Variants in SLC35F1 observed in about 807,000 individuals in gnomAD.
SLC35F1 encodes the protein solute carrier family 35 member F1, also known as chromosome 6 open reading frame 169.
SLC35F1 carries 14 observed loss-of-function variants against 48.7 expected under a neutral mutation model. That is an observed-to-expected ratio of 0.29 (90% CI 0.19 to 0.45). SLC35F1 has a LOEUF of 0.45. SLC35F1 is among the 20% of genes least tolerant of loss of function. SLC35F1 has a pLI of 1.00. For missense variants in SLC35F1, 404 were observed against 500.0 expected (o/e 0.81, Z 1.83); for synonymous variants, 190 against 202.2 (o/e 0.94, Z 0.51).
intron 1 of SLC35F1, among the ~76,000 whole-genome samples, chr6:118,003,107 G>T (rs1042246558): frequency 6.6e-5 from 10 of 152,164 alleles, no homozygotes; most frequent in African/African-American, 2.4e-4. Context: ...GACAATAAGT[G>T]TGTCTTAAAT....
chr6:118,203,881 A>C (rs965057397), intron 2 of SLC35F1, among the ~76,000 whole-genome samples: 1 of 152,208 alleles, frequency 6.6e-6, no homozygotes, highest in African/African-American at 2.4e-5. Context: ...CACTTTGAAC[A>C]GTGCAATGTC....
chr6:118,235,653 T>C lies in SLC35F1; in HGVS notation c.477+17T>C. 6.2e-7 allele frequency: 1 copy of C among 1,608,162 alleles called. No individual in the cohort carries two copies. Among genetic ancestry groups the C allele is most frequent in the Non-Finnish European group, 8.5e-7 (1 of 1,177,780 alleles). The stretch of plus-strand genomic sequence containing the variant: ...AGTATCCAGGTACCCATGGTTCTTC[T>C]TCCCTTCTCAACTTCCTCTATCCAG... On this transcript the variant is annotated intron_variant, in intron 3 of 7. Transcript: ENST00000360388.
intron 2 of SLC35F1, among the ~76,000 whole-genome samples, chr6:118,214,847 T>C (rs543064701): frequency 2.0e-5 from 3 of 152,262 alleles, no homozygotes; most frequent in African/African-American, 7.2e-5. Flanking sequence ...AGGCCATGAG[T>C]GCTTAAGGGG....
intron 3 of SLC35F1, among the ~76,000 whole-genome samples, chr6:118,243,959 A>T (rs1033405687): frequency 6.6e-5 from 10 of 152,242 alleles, no homozygotes; most frequent in African/African-American, 1.7e-4. Flanking sequence ...GGAACATGAT[A>T]TTCCAAATCT....
rs1244076626 is a variant in SLC35F1, at chr6:118,258,166, T to A, written c.478-8829T>A. Among the ~76,000 whole-genome samples, 4 of 152,144 alleles carry A rather than the reference T, an allele frequency of 2.6e-5. No homozygotes were observed. In the East Asian group the frequency reaches 7.7e-4, roughly 29 times the overall value. ...GCTACTCATTCTTTTGAAAGTACAA[T>A]GAATTTTGTTATTACTTTGGATTAT... is the stretch of plus-strand genomic sequence containing the variant. On this transcript the variant is annotated intron_variant, in intron 3 of 7. Transcript: ENST00000360388.
At chr6:118,201,584 G>A (rs1411307748) in intron 2 of SLC35F1, among the ~76,000 whole-genome samples, 1 of 152,198 alleles carries the variant, frequency 6.6e-6, no homozygotes, top group African/African-American at 2.4e-5. Context: ...CAGGTATCAT[G>A]CATGGTTGAA....
intron 1 of SLC35F1, among the ~76,000 whole-genome samples, chr6:118,007,029 TG>T (rs1313293075): frequency 3.2e-5 from 4 of 126,472 alleles, no homozygotes; most frequent in Admixed American, 8.2e-5. Context: ...CAACACATGT[TG>T]TTTTTTTTTT....
intron 2 of SLC35F1, among the ~76,000 whole-genome samples, chr6:118,212,727 AAAGGAAGGAAGGAAGG>A (rs755835187): frequency 0.017 from 1,629 of 93,710 alleles, 45 homozygotes; most frequent in African/African-American, 0.046. Context: ...GGAAGGAAGG[AAAGGAAGGAAGGAAGG>A]AAGGAAGGAA....
chr6:118,303,582 C>T (rs141735335), intron 7 of SLC35F1, among the ~76,000 whole-genome samples: 1 of 152,270 alleles, frequency 6.6e-6, no homozygotes, highest in African/African-American at 2.4e-5. Flanking sequence ...TCATGGTACT[C>T]TATGCTTATC....
chr6:118,249,062 GCTGT>G (rs1437884550), intron 3 of SLC35F1, among the ~76,000 whole-genome samples: 5 of 152,212 alleles, frequency 3.3e-5, no homozygotes, highest in African/African-American at 1.2e-4. Flanking sequence ...GACAGAATCT[GCTGT>G]CTAAGTCTTT....
chr6:118,286,337 C>A (rs1170103909), intron 7 of SLC35F1, among the ~76,000 whole-genome samples: 1 of 152,178 alleles, frequency 6.6e-6, no homozygotes, highest in Admixed American at 6.5e-5. Flanking sequence ...AGAGCATCTT[C>A]ATCCAGATGA....
At chr6:118,308,946 C>T (rs1410043896) in intron 7 of SLC35F1, among the ~76,000 whole-genome samples, 1 of 152,072 alleles carries the variant, frequency 6.6e-6, no homozygotes, top group Non-Finnish European at 1.5e-5. Flanking sequence ...CCTTGAGCTA[C>T]GGTGTGAAAT....
In SLC35F1 at chr6:118,293,726, T is replaced by A. The variant is rs150788073; in HGVS notation, c.1002+8388T>A. The stretch of plus-strand genomic sequence containing the variant: ...GTCTGGACAATGACGACACATTCTC[T>A]GCCTACAGACACTATGCTCTGTTGA... On this transcript the variant is annotated intron_variant, in intron 7 of 7. Transcript: ENST00000360388. 1.6e-3 allele frequency among the ~76,000 whole-genome samples: 240 copies of A among 152,356 alleles called. 1 individual carries two copies. The highest frequency in any genetic ancestry group is 5.6e-3 in the African/African-American group (232 of 41,580).
At chr6:117,941,956 G>A (rs1441024969) in intron 1 of SLC35F1, among the ~76,000 whole-genome samples, 1 of 152,168 alleles carries the variant, frequency 6.6e-6, no homozygotes, top group Non-Finnish European at 1.5e-5. Flanking sequence ...TAGGTTAATA[G>A]TAACCTTATA....
chr6:118,110,581 G>T (rs1212561200), intron 1 of SLC35F1, among the ~76,000 whole-genome samples: 1 of 152,090 alleles, frequency 6.6e-6, no homozygotes, highest in African/African-American at 2.4e-5. Context: ...TTTAAAGGAG[G>T]TCTTATACGT....
intron 1 of SLC35F1, among the ~76,000 whole-genome samples, chr6:118,110,956 TAGA>T (rs1773390960): frequency 6.6e-6 from 1 of 152,080 alleles, no homozygotes; most frequent in South Asian, 2.1e-4. Context: ...CCCAGGTGAT[TAGA>T]CTTTGGTACA....
At chr6:117,966,131 G>GGCCCCCCCCCCCCCCCCCCCCCCC (rs1184701438) in intron 1 of SLC35F1, among the ~76,000 whole-genome samples, 1 of 101,102 alleles carries the variant, frequency 9.9e-6, no homozygotes, top group Non-Finnish European at 2.0e-5. Flanking sequence ...GCAGGCCACC[G>GGCCCCCCCCCCCCCCCCCCCCCCC]CCCCCCCCCC....
intron 2 of SLC35F1, among the ~76,000 whole-genome samples, chr6:118,222,958 GT>G (rs1381688076): frequency 1.3e-5 from 2 of 152,036 alleles, no homozygotes; most frequent in Non-Finnish European, 2.9e-5. Context: ...GACTATTATT[GT>G]TTCTTTTAGT....
At chr6:118,239,828 G>C (rs569567973) in intron 3 of SLC35F1, among the ~76,000 whole-genome samples, 2 of 152,284 alleles carry the variant, frequency 1.3e-5, no homozygotes, top group African/African-American at 4.8e-5. Context: ...GAACAGGGAA[G>C]TAAAAAGGCA....
Sources: gnomAD v4.1 joint callset for allele counts (sites outside exome capture counted in the v4.1 genomes callset) on GRCh38, gnomAD v4.1.1 for gene constraint, MANE v1.5 for transcripts, NCBI Gene and HGNC (gene_info 2026-07-23, HGNC 2026-07-21) for gene names.